Variants in SLC6A15 observed in about 807,000 individuals in gnomAD.
SLC6A15 encodes the protein sodium-dependent neutral amino acid transporter B(0)AT2.
SLC6A15 carries 33 observed loss-of-function variants against 68.5 expected under a neutral mutation model. The ratio of observed to expected loss-of-function variants is 0.48; its 90% CI spans 0.37 to 0.64. The LOEUF is 0.64. SLC6A15 is among the 30% of genes least tolerant of loss of function. The pLI, the probability that SLC6A15 is intolerant of heterozygous loss-of-function variation, is 0.00. For synonymous variants in SLC6A15, 347 were observed against 301.0 expected, an observed-to-expected ratio of 1.15 and a Z score of -1.58; for missense variants, 747 against 874.3, an observed-to-expected ratio of 0.85 and a Z score of 1.84.
intron 1 of SLC6A15, among the ~76,000 whole-genome samples, chr12:84,906,352 G>A (rs1224607281): frequency 6.6e-6 from 1 of 152,144 alleles, no homozygotes. Flanking sequence ...ACATAAGAAA[G>A]ATGTCAAATT....
intron 1 of SLC6A15, among the ~76,000 whole-genome samples, chr12:84,907,995 G>A (rs1490037610): frequency 6.6e-6 from 1 of 152,118 alleles, no homozygotes; most frequent in Non-Finnish European, 1.5e-5. Flanking sequence ...AAATAAATAT[G>A]GAGAACAGAG....
rs1448194115 is a variant in SLC6A15 at position 84,860,344 on chromosome 12, A to T, written c.*1288T>A. On this transcript the variant is annotated 3_prime_UTR_variant, in exon 12 of 12. Transcript: ENST00000266682. Reference sequence around the variant, plus strand: ...CCAATTTCATATATACAACAGTTTTATTTAAAAATCATAGTCTTTTATACT... The same window carrying T: ...CCAATTTCATATATACAACAGTTTTTTTTAAAAATCATAGTCTTTTATACT... 2 of 152,128 alleles carry T rather than the reference A, an allele frequency of 1.3e-5. No individual in the cohort carries two copies. Among genetic ancestry groups the T allele is most frequent in the African/African-American group, 4.8e-5 (2 of 41,468 alleles). The allele number at this position is 152,128 out of a possible 1,614,324, so 9.4% of individuals were successfully genotyped here.
Position 84,872,608 on chromosome 12 carries a change from T to C in SLC6A15, c.1296A>G (p.Leu432=). 2 of 1,607,144 alleles carry C rather than the reference T, an allele frequency of 1.2e-6. No individual in the cohort carries two copies. Among genetic ancestry groups the C allele is most frequent in the Admixed American group, 3.4e-5 (2 of 59,248 alleles). ...TCAAACATGGCTTACTAACTTTATT[T>C]AGCTCTTCTTCAATTTTACAGGAAT... The part of the protein sequence containing the change: ...HLNSCKIEEE[L]NKAVQGTGLA... The change falls in exon 8 of 12, where the codon CTA becomes CTG. Residue 432 remains leucine (L), a synonymous_variant. Coordinates refer to ENST00000266682, the MANE Select transcript of SLC6A15 (RefSeq NM_182767.6).
chr12:84,885,829 C>A lies in SLC6A15; in HGVS notation c.447+82G>T, dbSNP rs540854840. ...TAAAAGAGTTGTTTATTAACACACA[C>A]TCCAAAGTTTCATTTAAATGTTAAT... On this transcript the variant is annotated intron_variant, in intron 3 of 11. Coordinates refer to ENST00000266682, the MANE Select transcript of SLC6A15 (RefSeq NM_182767.6). 6.7e-5 allele frequency: 92 copies of A among 1,368,214 alleles called. No homozygotes were observed. In the South Asian group the frequency reaches 1.3e-3, roughly 20 times the overall value. The allele number at this position is 1,368,214 out of a possible 1,614,324, so 84.8% of individuals were successfully genotyped here.
intron 6 of SLC6A15, among the ~76,000 whole-genome samples, chr12:84,873,722 C>T (rs2120581271): frequency 6.6e-6 from 1 of 152,296 alleles, no homozygotes; most frequent in East Asian, 1.9e-4. Flanking sequence ...AGTTGCTTCA[C>T]TAACACTCCA....
intron 6 of SLC6A15, among the ~76,000 whole-genome samples, chr12:84,875,580 C>T (rs1871480055): frequency 6.9e-6 from 1 of 144,322 alleles, no homozygotes; most frequent in African/African-American, 2.5e-5. Context: ...ATTTTGAAAT[C>T]GTATCTTTAG....
chr12:84,880,688 C>A (rs531392470), intron 5 of SLC6A15, among the ~76,000 whole-genome samples: 2 of 152,260 alleles, frequency 1.3e-5, no homozygotes, highest in South Asian at 2.1e-4. Context: ...GAAACATGCT[C>A]CTTTGACTGA....
chr12:84,880,176 A>G (rs1013684880), intron 5 of SLC6A15, among the ~76,000 whole-genome samples: 6 of 152,190 alleles, frequency 3.9e-5, no homozygotes, highest in Admixed American at 6.5e-5. Flanking sequence ...AGAAGGCAAC[A>G]CATCAATTTT....
At chr12:84,879,498 TGTATTTTA>T (rs1381959087) in intron 5 of SLC6A15, among the ~76,000 whole-genome samples, 1 of 151,658 alleles carries the variant, frequency 6.6e-6, no homozygotes, top group Non-Finnish European at 1.5e-5. Flanking sequence ...GACAATTTTT[TGTATTTTA>T]GTAGAGACGG....
At chr12:84,902,735 T>C (rs887712293) in intron 1 of SLC6A15, among the ~76,000 whole-genome samples, 1 of 151,980 alleles carries the variant, frequency 6.6e-6, no homozygotes, top group African/African-American at 2.4e-5. Flanking sequence ...GAAAACAATA[T>C]AAAAATGCCA....
At chr12:84,884,454 C>G (rs1026637578) in intron 4 of SLC6A15, among the ~76,000 whole-genome samples, 2 of 151,862 alleles carry the variant, frequency 1.3e-5, no homozygotes, top group Non-Finnish European at 2.9e-5. Flanking sequence ...TATAGACACC[C>G]GCCACCAAAC....
At chr12:84,891,385 T>C (rs761719361) in intron 2 of SLC6A15, among the ~76,000 whole-genome samples, 9 of 152,182 alleles carry the variant, frequency 5.9e-5, no homozygotes, top group Non-Finnish European at 1.0e-4. Flanking sequence ...CTAAGTTACA[T>C]ATCATTTTGT....
At chr12:84,882,464 T>G in intron 5 of SLC6A15, 2 of 949,862 alleles carry the variant, frequency 2.1e-6, no homozygotes, top group Non-Finnish European at 2.5e-6. Flanking sequence ...GGAAGATAAA[T>G]GTAAAATCAG....
At chr12:84,895,085 C>T (rs1872582189) in intron 1 of SLC6A15, among the ~76,000 whole-genome samples, 1 of 151,538 alleles carries the variant, frequency 6.6e-6, no homozygotes, top group Non-Finnish European at 1.5e-5. Flanking sequence ...TTACCCTGTC[C>T]CACTTCTTGG....
intron 5 of SLC6A15, among the ~76,000 whole-genome samples, chr12:84,879,636 T>C (rs1871729185): frequency 6.6e-6 from 1 of 151,936 alleles, no homozygotes; most frequent in South Asian, 2.1e-4. Context: ...TATCACACAC[T>C]TTGTATGTGC....
chr12:84,903,557 G>A (rs751960002), intron 1 of SLC6A15, among the ~76,000 whole-genome samples: 1 of 152,038 alleles, frequency 6.6e-6, no homozygotes, highest in Non-Finnish European at 1.5e-5. Context: ...TACCAGGGTG[G>A]TATTTTCTCG....
intron 7 of SLC6A15, 135 bp downstream of exon 7, chr12:84,872,952 A>C: frequency 7.9e-7 from 1 of 1,258,898 alleles, no homozygotes. Flanking sequence ...CCCAGATTTG[A>C]CCATTATACA....
chr12:84,885,658 C>A (rs1872065562), intron 3 of SLC6A15, 97 bp from the exon 4 acceptor site: 3 of 1,291,648 alleles, frequency 2.3e-6, no homozygotes, highest in Admixed American at 2.4e-5. Flanking sequence ...TTTTAAAATC[C>A]TCTTCATTTT....
At chr12:84,876,968 G>C (rs762321920) in intron 5 of SLC6A15, among the ~76,000 whole-genome samples, 6 of 152,142 alleles carry the variant, frequency 3.9e-5, no homozygotes, top group Non-Finnish European at 1.5e-5. Context: ...GTTGTTCTAA[G>C]TAGCAAAATA....
Sources: allele counts gnomAD v4.1 joint callset (sites outside exome capture counted in the v4.1 genomes callset), GRCh38; gene constraint gnomAD v4.1.1; transcripts MANE v1.5; gene names NCBI Gene and HGNC (gene_info 2026-07-23, HGNC 2026-07-21).